The following MACROD2 variants were observed in gnomAD, a reference collection of about 807,000 sequenced individuals.
The protein encoded by MACROD2 is mono-ADP ribosylhydrolase 2, also known as ADP-ribose glycohydrolase MACROD2.
In MACROD2, 36 loss-of-function variants were observed where a neutral mutation model predicts 70.4. The observed-to-expected ratio is 0.51, with a 90% CI of 0.39 to 0.68. The LOEUF (loss-of-function observed/expected upper bound fraction) is 0.68, where lower values mean the gene tolerates loss of function less well. MACROD2 is among the 30% of genes least tolerant of loss of function. The pLI, the probability that MACROD2 is intolerant of heterozygous loss-of-function variation, is 0.00. For synonymous variants in MACROD2, 172 were observed against 178.8 expected, an observed-to-expected ratio of 0.96 and a Z score of 0.30; for missense variants, 496 against 538.4, an observed-to-expected ratio of 0.92 and a Z score of 0.78.
chr20:15,127,654 CA>C (rs776993358), intron 5 of MACROD2, among the ~76,000 whole-genome samples: 4 of 152,086 alleles, frequency 2.6e-5, no homozygotes, highest in Admixed American at 6.6e-5. Flanking sequence ...CACCACTTGG[CA>C]ACTGGCTTCT....
chr20:15,437,785 G>T (rs1057514429), intron 7 of MACROD2, among the ~76,000 whole-genome samples: 2 of 152,056 alleles, frequency 1.3e-5, no homozygotes, highest in Non-Finnish European at 2.9e-5. Flanking sequence ...GTTTACTAAG[G>T]ATAATAGCTT....
intron 5 of MACROD2, among the ~76,000 whole-genome samples, chr20:15,145,933 A>C (rs1452986344): frequency 1.3e-5 from 2 of 152,110 alleles, no homozygotes; most frequent in African/African-American, 4.8e-5. Flanking sequence ...GTTTATAATA[A>C]ATGCTTTCAG....
chr20:14,931,154 CAT>C (rs2122678026), intron 5 of MACROD2, among the ~76,000 whole-genome samples: 1 of 152,182 alleles, frequency 6.6e-6, no homozygotes, highest in East Asian at 1.9e-4. Flanking sequence ...CCAGAAAACA[CAT>C]ATAGACACTG....
chr20:15,194,450 T>G (rs1216847492), intron 5 of MACROD2, among the ~76,000 whole-genome samples: 2 of 152,094 alleles, frequency 1.3e-5, no homozygotes, highest in Non-Finnish European at 2.9e-5. Flanking sequence ...TCTTCTACTT[T>G]GAAAACTTCT....
rs1414601667 is a variant in MACROD2 at position 15,563,391 on chromosome 20, T to C, written c.645+63544T>C. 4.6e-5 allele frequency among the ~76,000 whole-genome samples: 7 copies of C among 152,308 alleles called. No homozygotes were observed. In the East Asian group the frequency reaches 9.6e-4, roughly 21 times the overall value. On this transcript the variant is annotated intron_variant, in intron 8 of 17. Coordinates refer to ENST00000684519, the MANE Select transcript of MACROD2 (RefSeq NM_001351661.2). ...TAATATCCAGTCCAGTAGAGATGAA[T>C]ATGCCTAGTTCCTGGTGTCCTGCTT...
chr20:15,274,773 T>C (rs1358126573), intron 6 of MACROD2, among the ~76,000 whole-genome samples: 1 of 152,152 alleles, frequency 6.6e-6, no homozygotes, highest in African/African-American at 2.4e-5. Flanking sequence ...AATCAAATAA[T>C]CACAGAAATA....
chr20:15,074,277 A>G (rs1193518722), intron 5 of MACROD2, among the ~76,000 whole-genome samples: 2 of 152,122 alleles, frequency 1.3e-5, no homozygotes, highest in African/African-American at 4.8e-5. Context: ...CTGAAGGTTG[A>G]GTTGATCAAC....
rs536666350 is a variant in MACROD2 at position 14,090,303 on chromosome 20, G to A, written c.271+4575G>A. 4.3e-3 allele frequency among the ~76,000 whole-genome samples: 651 copies of A among 151,168 alleles called. 3 individuals are homozygous for A. The highest frequency in any genetic ancestry group is 7.1e-3 in the Non-Finnish European group (482 of 67,792). Reference sequence around the variant, plus strand: ...GAACTCCCTCATGCTGGCCGGGCACGGTAGCTCACACCTGTAATCCCAGTA... The same window carrying A: ...GAACTCCCTCATGCTGGCCGGGCACAGTAGCTCACACCTGTAATCCCAGTA... On this transcript the variant is annotated intron_variant, in intron 3 of 17. Coordinates refer to ENST00000684519, the MANE Select transcript of MACROD2 (RefSeq NM_001351661.2).
chr20:14,970,121 A>G (rs1339629636), intron 5 of MACROD2, among the ~76,000 whole-genome samples: 3 of 152,190 alleles, frequency 2.0e-5, no homozygotes, highest in Non-Finnish European at 4.4e-5. Context: ...TTACAATCAT[A>G]GCAGAAGGCA....
At chr20:14,870,653 G>A (rs776766652) in intron 5 of MACROD2, among the ~76,000 whole-genome samples, 3 of 151,914 alleles carry the variant, frequency 2.0e-5, no homozygotes, top group Non-Finnish European at 4.4e-5. Context: ...ACTGGCATGA[G>A]ATGTATCTTA....
intron 5 of MACROD2, among the ~76,000 whole-genome samples, chr20:14,777,249 A>G (rs1480474738): frequency 1.3e-5 from 2 of 151,862 alleles, no homozygotes; most frequent in Non-Finnish European, 2.9e-5. Context: ...TTACATTTCC[A>G]CCAGCTGTGT....
intron 8 of MACROD2, among the ~76,000 whole-genome samples, chr20:15,566,380 C>G (rs2048310827): frequency 6.6e-6 from 1 of 151,554 alleles, no homozygotes; most frequent in African/African-American, 2.4e-5. Flanking sequence ...CGCCTGTAAT[C>G]CCAGCTACTC....
At chr20:14,568,939 G>A (rs766580047) in intron 4 of MACROD2, among the ~76,000 whole-genome samples, 2 of 151,884 alleles carry the variant, frequency 1.3e-5, no homozygotes, top group Non-Finnish European at 2.9e-5. Flanking sequence ...CAGCATTAAG[G>A]TTACCAAACC....
At chr20:16,012,980 G>T (rs1411884036) in intron 15 of MACROD2, among the ~76,000 whole-genome samples, 1 of 152,204 alleles carries the variant, frequency 6.6e-6, no homozygotes, top group Non-Finnish European at 1.5e-5. Context: ...AAGAGATCGA[G>T]ACCATCCTGG....
At chr20:14,006,135 G>A (rs558300020) in intron 2 of MACROD2, among the ~76,000 whole-genome samples, 1 of 152,226 alleles carries the variant, frequency 6.6e-6, no homozygotes, top group Middle Eastern at 3.4e-3. Context: ...ATGCTGTATG[G>A]GTTTTAGCCT....
At chr20:15,088,553 T>C (rs1380994904) in intron 5 of MACROD2, among the ~76,000 whole-genome samples, 1 of 150,804 alleles carries the variant, frequency 6.6e-6, no homozygotes, top group Non-Finnish European at 1.5e-5. Context: ...TGGATATGTG[T>C]ATAGATGTAT....
intron 2 of MACROD2, among the ~76,000 whole-genome samples, chr20:14,042,763 G>A (rs1223173726): frequency 1.3e-5 from 2 of 152,270 alleles, no homozygotes; most frequent in East Asian, 1.9e-4. Context: ...GCCTCCCAAA[G>A]TGTTGAGATT....
At chr20:15,129,595 G>A (rs1601112269) in intron 5 of MACROD2, among the ~76,000 whole-genome samples, 1 of 152,082 alleles carries the variant, frequency 6.6e-6, no homozygotes, top group South Asian at 2.1e-4. Flanking sequence ...AAAACATTTA[G>A]TTTATATATC....
At chr20:14,842,661 C>A (rs1242224016) in intron 5 of MACROD2, among the ~76,000 whole-genome samples, 3 of 152,062 alleles carry the variant, frequency 2.0e-5, no homozygotes, top group South Asian at 2.1e-4. Flanking sequence ...GAAAATGATA[C>A]CCTACAATTG....
Sources: allele counts gnomAD v4.1 joint callset (sites outside exome capture counted in the v4.1 genomes callset), GRCh38; gene constraint gnomAD v4.1.1; transcripts MANE v1.5; gene names NCBI Gene and HGNC (gene_info 2026-07-23, HGNC 2026-07-21).